Variants in MBNL1 observed in about 807,000 individuals in gnomAD.
MBNL1 encodes muscleblind-like protein 1.
In MBNL1, 8 loss-of-function variants were observed where a neutral mutation model predicts 42.2. The ratio of observed to expected loss-of-function variants is 0.19; its 90% CI spans 0.11 to 0.34. MBNL1 has a LOEUF of 0.34. Among genes scored for constraint, MBNL1 ranks in the 10% least tolerant of loss-of-function variants. The probability of loss-of-function intolerance (pLI) is 1.00; values close to 1 mark genes in which losing one functional copy is unlikely to be tolerated. For missense variants in MBNL1, 309 were observed against 495.3 expected, an observed-to-expected ratio of 0.62 and a Z score of 3.57; for synonymous variants, 169 against 173.9, an observed-to-expected ratio of 0.97 and a Z score of 0.22.
chr3:152,340,437 C>T, intron 2 of MBNL1: 9 of 1,454,610 alleles, frequency 6.2e-6, no homozygotes, highest in Non-Finnish European at 8.3e-6. Flanking sequence ...AAGTTCAGTT[C>T]CATTTTTTTT....
Position 152,340,236 on chromosome 3 carries a change from TG to T in MBNL1, c.174+39870del, listed in dbSNP as rs1278674844. 1.7e-5 allele frequency: 5 copies of T among 287,944 alleles called. No homozygotes were observed. In the Admixed American group the frequency reaches 2.5e-4, roughly 14 times the overall value. 17.8% of individuals were successfully genotyped at this position (287,944 alleles called of 1,614,324 possible). A position where few individuals can be genotyped will look rare whatever the true frequency, so the allele number is the denominator to read the frequency against. ...ACTCAGGAGACTGAGGCAGAAGTATTGCTTGAGCCCAGGAGGTCGAGGCTGC... is the reference window on the plus strand; with the variant it reads ...ACTCAGGAGACTGAGGCAGAAGTATTCTTGAGCCCAGGAGGTCGAGGCTGC... On this transcript the variant is annotated intron_variant, in intron 2 of 9. Coordinates refer to ENST00000324210, the MANE Select transcript of MBNL1 (RefSeq NM_021038.5).
intron 1 of MBNL1, chr3:152,299,192 C>T (rs994625679): frequency 2.0e-5 from 3 of 152,910 alleles, no homozygotes; most frequent in Middle Eastern, 3.4e-3. Flanking sequence ...TGCATTGCTT[C>T]ACAAGGGGAA....
intron 4 of MBNL1, among the ~76,000 whole-genome samples, chr3:152,439,839 C>A (rs1002543863): frequency 2.6e-5 from 4 of 151,916 alleles, no homozygotes; most frequent in African/African-American, 9.7e-5. Context: ...CAGAGGGAGA[C>A]CCTATCTCAA....
chr3:152,325,274 C>T (rs2079076898), intron 2 of MBNL1, among the ~76,000 whole-genome samples: 1 of 151,966 alleles, frequency 6.6e-6, no homozygotes, highest in Non-Finnish European at 1.5e-5. Flanking sequence ...TGCCTCTTTG[C>T]TTATGTAGTT....
intron 2 of MBNL1, among the ~76,000 whole-genome samples, chr3:152,363,120 A>C (rs1189525696): frequency 6.6e-6 from 1 of 152,236 alleles, no homozygotes; most frequent in Non-Finnish European, 1.5e-5. Context: ...TAAGAACATC[A>C]TCAGAAGATT....
At chr3:152,284,598 C>T (rs2050456813) in intron 1 of MBNL1, among the ~76,000 whole-genome samples, 1 of 151,872 alleles carries the variant, frequency 6.6e-6, no homozygotes, top group African/African-American at 2.4e-5. Context: ...TTTGCACCAC[C>T]CTGATAAAAA....
At chr3:152,293,666 CTTAG>C (rs545861851) in intron 1 of MBNL1, among the ~76,000 whole-genome samples, 70 of 152,148 alleles carry the variant, frequency 4.6e-4, no homozygotes, top group Non-Finnish European at 8.5e-4. Flanking sequence ...CAAAAAATTA[CTTAG>C]TTAACTTCCT....
chr3:152,447,588 G>T lies in MBNL1; in HGVS notation c.808-32G>T, dbSNP rs146250442. The T allele has an allele frequency of 6.4e-6, 10 of 1,563,796 alleles. No homozygotes were observed. In the East Asian group the frequency reaches 1.8e-4, roughly 28 times the overall value. ...CTTTTTTCTTTTTCTCTTTTTACTG[G>T]TATTTGTTTTTTATACTCATTCACT... On this transcript the variant is annotated intron_variant, in intron 5 of 9. Transcript: ENST00000324210.
chr3:152,408,774 C>G (rs1248267211), intron 2 of MBNL1, among the ~76,000 whole-genome samples: 1 of 151,940 alleles, frequency 6.6e-6, no homozygotes, highest in Non-Finnish European at 1.5e-5. Context: ...TCCTCCCCGC[C>G]AAGACATGTC....
chr3:152,370,668 G>A (rs926939353), intron 2 of MBNL1, among the ~76,000 whole-genome samples: 1 of 152,116 alleles, frequency 6.6e-6, no homozygotes, highest in Non-Finnish European at 1.5e-5. Flanking sequence ...ACTTGCTTAT[G>A]AATTGGGTGC....
chr3:152,246,009 A>G (rs1435171328), intron 2 of MBNL1, among the ~76,000 whole-genome samples: 2 of 152,142 alleles, frequency 1.3e-5, no homozygotes, highest in Non-Finnish European at 1.5e-5. Context: ...GGCTTAAGTC[A>G]GAAGATCAAG....
rs555382989 is a variant in MBNL1, at chr3:152,300,148, G to C, written c.-46G>C. 7.3e-7 allele frequency: 1 copy of C among 1,373,484 alleles called. No homozygotes were observed. The highest frequency in any genetic ancestry group is 9.9e-7 in the Non-Finnish European group (1 of 1,005,170). The allele number at this position is 1,373,484 out of a possible 1,614,324, so 85.1% of individuals were successfully genotyped here. On this transcript the variant is annotated 5_prime_UTR_variant, in exon 2 of 10. Transcript: ENST00000324210. ...TGTTGCTCTTTTTTGGGGGGGTTGG[G>C]TTTGTTGGTTTCACTGAAACATTTA...
chr3:152,403,292 T>C (rs1215316464), intron 2 of MBNL1, among the ~76,000 whole-genome samples: 2 of 152,194 alleles, frequency 1.3e-5, no homozygotes, highest in Admixed American at 6.5e-5. Context: ...CTTAAGAATA[T>C]GCACTACAGC....
intron 3 of MBNL1, among the ~76,000 whole-genome samples, chr3:152,426,901 A>G (rs527840180): frequency 4.6e-5 from 7 of 152,346 alleles, no homozygotes. Flanking sequence ...CTGTCACATC[A>G]TGTTCCAAGC....
chr3:152,351,916 T>C (rs1411726321), intron 2 of MBNL1, among the ~76,000 whole-genome samples: 1 of 152,254 alleles, frequency 6.6e-6, no homozygotes, highest in East Asian at 1.9e-4. Context: ...ACTTAGTAAA[T>C]GTCCAGCATT....
At chr3:152,422,804 CA>C (rs2098828977) in intron 3 of MBNL1, among the ~76,000 whole-genome samples, 1 of 152,136 alleles carries the variant, frequency 6.6e-6, no homozygotes, top group Non-Finnish European at 1.5e-5. Flanking sequence ...CACTCAAAAC[CA>C]CACAACCACA....
At position 152,368,897 on chromosome 3, in the gene MBNL1, A is replaced by G. The variant is rs1169267587; in HGVS notation, c.175-46044A>G. The stretch of plus-strand genomic sequence containing the variant: ...CTTTGCTGAAGTTACTTATCAGCTT[A>G]AGGAAATTTTGTGCTGAGACAGTGA... On this transcript the variant is annotated intron_variant, in intron 2 of 9. Transcript: ENST00000324210. 2.6e-5 allele frequency among the ~76,000 whole-genome samples: 4 copies of G among 152,214 alleles called. No homozygotes were observed. In the East Asian group the frequency reaches 7.7e-4, roughly 29 times the overall value.
intron 2 of MBNL1, among the ~76,000 whole-genome samples, chr3:152,334,259 G>T (rs1184397010): frequency 1.3e-5 from 2 of 152,152 alleles, no homozygotes; most frequent in Non-Finnish European, 2.9e-5. Flanking sequence ...ATAGGTAAAT[G>T]ATTAGGAAAA....
intron 2 of MBNL1, among the ~76,000 whole-genome samples, chr3:152,326,969 A>AT (rs1227952574): frequency 6.6e-6 from 1 of 151,418 alleles, no homozygotes; most frequent in Non-Finnish European, 1.5e-5. Context: ...TGCCCAGCTA[A>AT]TTTTTTTGTG....
Sources: gnomAD v4.1 joint callset for allele counts (sites outside exome capture counted in the v4.1 genomes callset) on GRCh38, gnomAD v4.1.1 for gene constraint, MANE v1.5 for transcripts, NCBI Gene and HGNC (gene_info 2026-07-23, HGNC 2026-07-21) for gene names.